Variants in MCC observed in about 807,000 individuals in gnomAD.
MCC encodes MCC regulator of Wnt signaling pathway.
In MCC, 90 loss-of-function variants were observed where a neutral mutation model predicts 116.2. That is an observed-to-expected ratio of 0.77 (90% confidence interval 0.65 to 0.92). The LOEUF is 0.92. Among genes scored for constraint, MCC ranks in the 40% least tolerant of loss-of-function variants. The pLI is 0.00. For missense variants in MCC, 1,516 were observed against 1,312.2 expected (o/e 1.16, Z -2.40); for synonymous variants, 578 against 510.5 (o/e 1.13, Z -1.78).
At chr5:113,083,435 G>A (rs1754998414) in intron 10 of MCC, among the ~76,000 whole-genome samples, 1 of 152,176 alleles carries the variant, frequency 6.6e-6, no homozygotes, top group South Asian at 2.1e-4. Context: ...CACAGAATCT[G>A]AATGCATGCA....
At chr5:113,348,560 G>T (rs1768188241) in intron 2 of MCC, among the ~76,000 whole-genome samples, 1 of 152,076 alleles carries the variant, frequency 6.6e-6, no homozygotes, top group African/African-American at 2.4e-5. Flanking sequence ...GGGATACAGT[G>T]AAAGCAGTAC....
intron 3 of MCC, among the ~76,000 whole-genome samples, chr5:113,254,805 G>C (rs569143757): frequency 1.4e-4 from 22 of 152,280 alleles, no homozygotes; most frequent in African/African-American, 5.3e-4. Flanking sequence ...CCCAATCTAA[G>C]AGTGTGAAAG....
chr5:113,488,060 G>A (rs1772592971), intron 1 of MCC, among the ~76,000 whole-genome samples, 185 bp downstream of exon 1: 1 of 152,098 alleles, frequency 6.6e-6, no homozygotes, highest in Non-Finnish European at 1.5e-5. Flanking sequence ...CCCGCAAGGC[G>A]AACAGAGCAG....
chr5:113,379,139 G>C (rs1185792950), intron 2 of MCC, among the ~76,000 whole-genome samples: 1 of 152,178 alleles, frequency 6.6e-6, no homozygotes, highest in East Asian at 1.9e-4. Context: ...TCTGGGAGTG[G>C]CCTCTGGGTG....
intron 1 of MCC, among the ~76,000 whole-genome samples, chr5:113,406,564 T>C (rs1769839619): frequency 6.6e-6 from 1 of 152,212 alleles, no homozygotes; most frequent in African/African-American, 2.4e-5. Flanking sequence ...TATAATCCTA[T>C]TTGTAGTCTA....
At chr5:113,122,482 C>T (rs143216731) in intron 6 of MCC, among the ~76,000 whole-genome samples, 5 of 152,222 alleles carry the variant, frequency 3.3e-5, no homozygotes, top group African/African-American at 9.7e-5. Context: ...ATGTTTGAAT[C>T]ACAATTGTAT....
intron 3 of MCC, among the ~76,000 whole-genome samples, chr5:113,297,135 G>A (rs1203190546): frequency 1.3e-5 from 2 of 152,226 alleles, no homozygotes; most frequent in Non-Finnish European, 2.9e-5. Flanking sequence ...AGCAGATGTA[G>A]TAGGTTGAAA....
chr5:113,115,847 T>C (rs964770237), intron 6 of MCC, among the ~76,000 whole-genome samples: 1 of 152,216 alleles, frequency 6.6e-6, no homozygotes, highest in African/African-American at 2.4e-5. Flanking sequence ...AGAGGAAATC[T>C]TTGGGGTAGA....
chr5:113,442,434 C>T (rs1020362083), intron 1 of MCC, among the ~76,000 whole-genome samples: 5 of 152,124 alleles, frequency 3.3e-5, no homozygotes, highest in African/African-American at 9.7e-5. Flanking sequence ...AAAACTTTCT[C>T]CTATTCTGTA....
intron 1 of MCC, among the ~76,000 whole-genome samples, chr5:113,439,055 G>T (rs542390099): frequency 1.8e-4 from 27 of 152,278 alleles, no homozygotes; most frequent in Non-Finnish European, 3.4e-4. Flanking sequence ...AGGACACCAG[G>T]AACATAACAA....
chr5:113,301,661 A>C (rs975162537), intron 3 of MCC, among the ~76,000 whole-genome samples: 1 of 152,168 alleles, frequency 6.6e-6, no homozygotes, highest in Non-Finnish European at 1.5e-5. Flanking sequence ...TTCAGCATGT[A>C]GGTAAAGAAG....
chr5:113,469,485 G>A (rs536748820), intron 1 of MCC, among the ~76,000 whole-genome samples: 3 of 152,292 alleles, frequency 2.0e-5, no homozygotes, highest in African/African-American at 7.2e-5. Flanking sequence ...CCATGTAGTT[G>A]TGCGGTTTTG....
At position 113,376,796 on chromosome 5, in the gene MCC, G is replaced by A. The variant is rs115839895; in HGVS notation, c.415+8172C>T. ...TTCCTCAGCTCTTAGTCCACAAGAT[G>A]GGGATAGAGCCAACTCTACCCTAAT... On this transcript the variant is annotated intron_variant, in intron 2 of 18. Transcript: ENST00000408903. 5.2e-3 allele frequency among the ~76,000 whole-genome samples: 787 copies of A among 152,248 alleles called. 4 individuals are homozygous for A. The highest frequency in any genetic ancestry group is 7.2e-3 in the Non-Finnish European group (490 of 68,018).
At chr5:113,235,980 G>T (rs1561476372) in intron 3 of MCC, among the ~76,000 whole-genome samples, 2 of 152,210 alleles carry the variant, frequency 1.3e-5, no homozygotes, top group Non-Finnish European at 1.5e-5. Flanking sequence ...GGCAGCTTTG[G>T]TGATGTTCCC....
At chr5:113,422,418 ATTTAAT>A (rs1388041917) in intron 1 of MCC, among the ~76,000 whole-genome samples, 5 of 149,970 alleles carry the variant, frequency 3.3e-5, no homozygotes, top group African/African-American at 9.7e-5. Context: ...AGCTTCTATG[ATTTAAT>A]TTTAAGTTAT....
intron 17 of MCC, among the ~76,000 whole-genome samples, chr5:113,037,961 G>C (rs1187332568): frequency 2.0e-5 from 3 of 152,200 alleles, no homozygotes; most frequent in Admixed American, 2.0e-4. Flanking sequence ...TGCTTATGCA[G>C]AGCACCCTAA....
rs561992505 is a variant in MCC, at chr5:113,083,074, A to G, written c.1636-66T>C. 6.4e-5 allele frequency: 93 copies of G among 1,457,252 alleles called. 1 individual carries two copies. The South Asian group carries it at 8.5e-4, about 13-fold the overall frequency. The allele number at this position is 1,457,252 out of a possible 1,614,324, so 90.3% of individuals were successfully genotyped here. On this transcript the variant is annotated intron_variant, in intron 10 of 18. Transcript: ENST00000408903. ...TTCAGAGATGCATGTTTTGCATGCA[A>G]AAGAATTTAAAGCTGATATTCCGTG... is the stretch of plus-strand genomic sequence containing the variant.
At chr5:113,460,220 G>A (rs1373417653) in intron 1 of MCC, among the ~76,000 whole-genome samples, 3 of 152,114 alleles carry the variant, frequency 2.0e-5, no homozygotes, top group Non-Finnish European at 2.9e-5. Flanking sequence ...ATACATGAAG[G>A]GAATCCTCTT....
rs1361607340 is a variant in MCC, at chr5:113,080,199, T to C, written c.1784+2661A>G. Among the ~76,000 whole-genome samples the C allele has an allele frequency of 2.6e-5, 4 of 152,364 alleles. No individual in the cohort carries two copies. The South Asian group carries it at 6.2e-4, about 24-fold the overall frequency. ...GAGAAACAGGAACACTTTTACACTG[T>C]TGGTGGGACTGTAAACTAGTTCAAC... On this transcript the variant is annotated intron_variant, in intron 11 of 18. Transcript: ENST00000408903.
Sources: gnomAD v4.1 joint callset for allele counts (sites outside exome capture counted in the v4.1 genomes callset) on GRCh38, gnomAD v4.1.1 for gene constraint, MANE v1.5 for transcripts, NCBI Gene and HGNC (gene_info 2026-07-23, HGNC 2026-07-21) for gene names.